RAB3GAP2: variants seen among roughly 807,000 people sequenced by gnomAD.
The protein encoded by RAB3GAP2 is RAB3 GTPase activating non-catalytic protein subunit 2.
A neutral mutation model predicts 185.3 loss-of-function variants in RAB3GAP2; 87 were observed. That is an observed-to-expected ratio of 0.47 (90% CI 0.39 to 0.56). The LOEUF (loss-of-function observed/expected upper bound fraction) is 0.56. RAB3GAP2 is among the 20% of genes least tolerant of loss of function. RAB3GAP2 has a pLI of 0.00. For missense variants in RAB3GAP2, 1,492 were observed against 1,638.2 expected (o/e 0.91, Z 1.54); for synonymous variants, 554 against 576.1 (o/e 0.96, Z 0.55).
chr1:220,210,415 T>C lies in RAB3GAP2; in HGVS notation c.585A>G (p.Ile195Met), dbSNP rs1659058182. The C allele has an allele frequency of 1.2e-6, 2 of 1,614,096 alleles. No homozygotes were observed. Among genetic ancestry groups the C allele is most frequent in the Non-Finnish European group, 8.5e-7 (1 of 1,179,938 alleles). ...GCTCAGTCACGCCGGGATGTCGTGGTATTTCATAGGTTCTGCATTTAAGTT... is the reference window on the plus strand; with the variant it reads ...GCTCAGTCACGCCGGGATGTCGTGGCATTTCATAGGTTCTGCATTTAAGTT... ...VLQLKCRTYEIPRHPGVTEQN... is the reference protein window; with the variant it reads ...VLQLKCRTYEMPRHPGVTEQN... Residue 195 changes from isoleucine to methionine, a missense_variant, in exon 7 of 35, where the codon ATA becomes ATG. Ile to Met is a conservative substitution (Grantham distance 10, BLOSUM62 1). Around this residue, in one of 5 missense-constraint regions of RAB3GAP2, gnomAD observed 243 missense variants for 314.8 expected, o/e 0.77. Coordinates refer to ENST00000358951, the MANE Select transcript of RAB3GAP2 (RefSeq NM_012414.4).
chr1:220,152,352 C>T (rs534696425), intron 33 of RAB3GAP2, among the ~76,000 whole-genome samples: 3 of 152,358 alleles, frequency 2.0e-5, no homozygotes, highest in East Asian at 3.9e-4. Flanking sequence ...GCTAGGATTA[C>T]AGGCGTGAGC....
chr1:220,262,205 G>A (rs1660153981), intron 1 of RAB3GAP2, among the ~76,000 whole-genome samples: 1 of 152,014 alleles, frequency 6.6e-6, no homozygotes, highest in African/African-American at 2.4e-5. Context: ...AGAGGCTGAG[G>A]GAGGAGAATG....
intron 18 of RAB3GAP2, 69 bp downstream of exon 18, chr1:220,185,582 G>C: frequency 8.7e-7 from 1 of 1,147,040 alleles, no homozygotes; most frequent in Non-Finnish European, 1.3e-6. Flanking sequence ...AAAGTCAATA[G>C]CTTTCTATAA....
chr1:220,248,985 T>G (rs1430933600), intron 1 of RAB3GAP2, among the ~76,000 whole-genome samples: 1 of 152,340 alleles, frequency 6.6e-6, no homozygotes, highest in East Asian at 1.9e-4. Flanking sequence ...TCAGTTAAAC[T>G]TCTTTCCTTT....
At chr1:220,175,728 C>T (rs1322786059) in intron 21 of RAB3GAP2, among the ~76,000 whole-genome samples, 1 of 152,304 alleles carries the variant, frequency 6.6e-6, no homozygotes, top group East Asian at 1.9e-4. Context: ...CTCTCCTCTA[C>T]CCACCATCAC....
chr1:220,179,612 T>C lies in RAB3GAP2; in HGVS notation c.2310+2645A>G, dbSNP rs181924551. On this transcript the variant is annotated intron_variant, in intron 21 of 34. Coordinates refer to ENST00000358951, the MANE Select transcript of RAB3GAP2 (RefSeq NM_012414.4). ...ATAAAACATTCTCCAGGACAGACCA[T>C]ATGTTAGCCACAAAACAATTCTCAA... 2.6e-5 allele frequency among the ~76,000 whole-genome samples: 4 copies of C among 152,284 alleles called. No homozygotes were observed. The East Asian group carries it at 7.7e-4, about 29-fold the overall frequency.
At chr1:220,266,735 T>G in intron 1 of RAB3GAP2, 2 of 1,585,568 alleles carry the variant, frequency 1.3e-6, no homozygotes. Context: ...TTCTTTGTTT[T>G]GGCAATTTGA....
rs1553275644 is a variant in RAB3GAP2, at chr1:220,182,355, C to T, written c.2213-1G>A. ...AAACACTTCCAAAAAAAGAAACTAC[C>T]TGGTAGAAGAAAAACAAAGCACATT... On this transcript the variant is annotated splice_acceptor_variant, in intron 20 of 34. Coordinates refer to ENST00000358951, the MANE Select transcript of RAB3GAP2 (RefSeq NM_012414.4). LOFTEE classifies it high-confidence loss of function. The T allele has an allele frequency of 6.2e-7, 1 of 1,613,872 alleles. No individual in the cohort carries two copies. Among genetic ancestry groups the T allele is most frequent in the Non-Finnish European group, 8.5e-7 (1 of 1,179,902 alleles).
intron 33 of RAB3GAP2, 83 bp from the exon 34 acceptor site, chr1:220,151,847 G>C (rs1309323007): frequency 3.6e-6 from 5 of 1,381,506 alleles, no homozygotes; most frequent in Non-Finnish European, 5.1e-6. Flanking sequence ...CCAGTGAAGA[G>C]ATTCTAGTTG....
rs2102870921 is a variant in RAB3GAP2, at chr1:220,193,327, A to G, written c.1183T>C (p.Cys395Arg). ...TCTGTTACTGCTGCCAGTGTGTTACATGGAGACAGACATATGCTTTCACCA... is the reference window on the plus strand; with the variant it reads ...TCTGTTACTGCTGCCAGTGTGTTACGTGGAGACAGACATATGCTTTCACCA... ...RHGESICLSP[C>R]NTLAAVTDDF... The change falls in exon 13 of 35, where the codon TGT becomes CGT. Residue 395 changes from cysteine (C) to arginine (R), a missense_variant. Cys to Arg is a radical substitution (Grantham distance 180). Coordinates refer to ENST00000358951, the MANE Select transcript of RAB3GAP2 (RefSeq NM_012414.4). 13 of 1,614,028 alleles carry G rather than the reference A, an allele frequency of 8.1e-6. No individual in the cohort carries two copies. The highest frequency in any genetic ancestry group is 1.0e-5 in the Non-Finnish European group (12 of 1,179,950).
At chr1:220,241,476 T>C (rs1659696850) in intron 1 of RAB3GAP2, among the ~76,000 whole-genome samples, 1 of 152,084 alleles carries the variant, frequency 6.6e-6, no homozygotes, top group African/African-American at 2.4e-5. Context: ...TACTTGCTTC[T>C]ATAAAAAGTA....
At position 220,151,603 on chromosome 1, in the gene RAB3GAP2, G is replaced by T; in HGVS notation, c.4026+3C>A. The T allele has an allele frequency of 6.2e-7, 1 of 1,607,516 alleles. No individual in the cohort carries two copies. The highest frequency in any genetic ancestry group is 1.1e-5 in the South Asian group (1 of 90,896). On this transcript the variant is annotated splice_donor_region_variant and intron_variant, in intron 34 of 34. Transcript: ENST00000358951. Reference sequence around the variant, plus strand: ...TTGCCTGATCTCGTTCTATTGTACTGACCATTGCTTTCAGCCAAGTACACA... The same window carrying T: ...TTGCCTGATCTCGTTCTATTGTACTTACCATTGCTTTCAGCCAAGTACACA...
At chr1:220,228,335 A>G (rs1659440116) in intron 2 of RAB3GAP2, among the ~76,000 whole-genome samples, 1 of 152,160 alleles carries the variant, frequency 6.6e-6, no homozygotes, top group Admixed American at 6.5e-5. Flanking sequence ...ATAGTTCTGG[A>G]GTTGTTCATA....
At chr1:220,185,620 C>G in intron 18 of RAB3GAP2, 31 bp downstream of exon 18, 4 of 1,530,408 alleles carry the variant, frequency 2.6e-6, no homozygotes, top group Non-Finnish European at 3.6e-6. Flanking sequence ...GAGTTAAGAA[C>G]ATAACCTCCA....
chr1:220,159,263 C>T, intron 29 of RAB3GAP2, 123 bp downstream of exon 29: 1 of 811,086 alleles, frequency 1.2e-6, no homozygotes, highest in Admixed American at 2.2e-5. Flanking sequence ...TTTCATTTTT[C>T]TTATCTCCTT....
chr1:220,268,065 TACA>T (rs2102538448), intron 1 of RAB3GAP2: 1 of 406,808 alleles, frequency 2.5e-6, no homozygotes, highest in African/African-American at 2.0e-5. Flanking sequence ...GTTAAGAAAT[TACA>T]ACTATATCAG....
At position 220,176,880 on chromosome 1, in the gene RAB3GAP2, G is replaced by C. The variant is rs566316800; in HGVS notation, c.2311-4138C>G. ...TCCATTCCCACAGCTGATCCCAAGA[G>C]GGCCCAGTCTCAGCTCAAGCCCCTC... is the stretch of plus-strand genomic sequence containing the variant. On this transcript the variant is annotated intron_variant, in intron 21 of 34. Coordinates refer to ENST00000358951, the MANE Select transcript of RAB3GAP2 (RefSeq NM_012414.4). Among the ~76,000 whole-genome samples the C allele has an allele frequency of 8.5e-4, 129 of 152,320 alleles. 1 individual carries two copies. The Middle Eastern group carries it at 0.017, about 20-fold the overall frequency.
intron 1 of RAB3GAP2, among the ~76,000 whole-genome samples, chr1:220,255,759 A>C (rs528936989): frequency 6.6e-6 from 1 of 152,186 alleles, no homozygotes; most frequent in Admixed American, 6.5e-5. Context: ...AATGAACAAA[A>C]CCTCTGGAAA....
chr1:220,221,566 G>C (rs1659307734), intron 2 of RAB3GAP2, among the ~76,000 whole-genome samples: 1 of 152,126 alleles, frequency 6.6e-6, no homozygotes, highest in Non-Finnish European at 1.5e-5. Context: ...GTTGTTGAGG[G>C]GAGGGAATCT....
Sources: allele counts gnomAD v4.1 joint callset (sites outside exome capture counted in the v4.1 genomes callset), GRCh38; gene constraint gnomAD v4.1.1; regional missense constraint gnomAD v4.1.1; transcripts MANE v1.5; gene names NCBI Gene and HGNC (gene_info 2026-07-23, HGNC 2026-07-21).